The following PCDHB1 variants were observed in gnomAD, a reference collection of about 807,000 sequenced individuals.
The protein encoded by PCDHB1 is protocadherin beta 1.
In PCDHB1, 44 loss-of-function variants were observed where a neutral mutation model predicts 43.5. That is an observed-to-expected ratio of 1.01 (90% CI 0.79 to 1.30). The LOEUF is 1.30. Ranked by LOEUF, PCDHB1 falls within the 50% of genes most tolerant of loss-of-function variation. PCDHB1 has a pLI of 0.00. For synonymous variants in PCDHB1, 392 were observed against 400.8 expected, an observed-to-expected ratio of 0.98 and a Z score of 0.26; for missense variants, 919 against 1,008.9, an observed-to-expected ratio of 0.91 and a Z score of 1.21.
In PCDHB1 at chr5:141,053,915, T is replaced by C; in HGVS notation, c.2445T>C (p.Asp815=). ...TAGAGGGCCATGACCAGGTATCTGATGACTATATGTAGCTCCTATTTACAG... is the reference window on the plus strand; with the variant it reads ...TAGAGGGCCATGACCAGGTATCTGACGACTATATGTAGCTCCTATTTACAG... The part of the protein sequence containing the change: ...QRLEGHDQVS[D]DYM Residue 815 remains aspartate (D), a synonymous_variant, in exon 1 of 1, where the codon GAT becomes GAC. Transcript: ENST00000306549. 6.2e-7 allele frequency: 1 copy of C among 1,612,462 alleles called. No individual in the cohort carries two copies. The highest frequency in any genetic ancestry group is 1.1e-5 in the South Asian group (1 of 91,028).
chr5:141,051,660 G>A lies in PCDHB1; in HGVS notation c.190G>A (p.Ala64Thr). ...LEVGKLAARGARLVSEGNKMH... is the reference protein window; with the variant it reads ...LEVGKLAARGTRLVSEGNKMH... ...GGTAGGGAAGCTGGCTGCGCGCGGG[G>A]CGCGGCTGGTTTCCGAGGGCAACAA... is the stretch of plus-strand genomic sequence containing the variant. The change falls in exon 1 of 1, where the codon GCG becomes ACG. Residue 64 changes from alanine to threonine, a missense_variant. By Grantham distance (58) the Ala-to-Thr change is moderately conservative. Transcript: ENST00000306549. The A allele has an allele frequency of 6.2e-7, 1 of 1,614,240 alleles. No individual in the cohort carries two copies. The highest frequency in any genetic ancestry group is 8.5e-7 in the Non-Finnish European group (1 of 1,180,036).
In PCDHB1 at chr5:141,052,479, G is replaced by A. The variant is rs1554267259; in HGVS notation, c.1009G>A (p.Val337Met). Reference protein sequence around the residue: ...LSAHSKVLVEVVDVNDNPPEV... With the variant: ...LSAHSKVLVEMVDVNDNPPEV... ...TGCCCACAGCAAAGTCCTGGTAGAAGTGGTGGATGTGAATGACAATCCTCC... is the reference window on the plus strand; with the variant it reads ...TGCCCACAGCAAAGTCCTGGTAGAAATGGTGGATGTGAATGACAATCCTCC... Residue 337 changes from valine (V) to methionine (M), a missense_variant, in exon 1 of 1, where the codon GTG becomes ATG. Val to Met is a conservative substitution (Grantham distance 21). Transcript: ENST00000306549. 2 of 1,614,216 alleles carry A rather than the reference G, an allele frequency of 1.2e-6. No individual in the cohort carries two copies. The highest frequency in any genetic ancestry group is 1.3e-5 in the African/African-American group (1 of 75,050).
In PCDHB1 at chr5:141,052,951, C is replaced by A; in HGVS notation, c.1481C>A (p.Pro494Gln). The A allele has an allele frequency of 1.2e-6, 2 of 1,614,016 alleles. No homozygotes were observed. The highest frequency in any genetic ancestry group is 1.7e-6 in the Non-Finnish European group (2 of 1,179,982). The change falls in exon 1 of 1, where the codon CCA (proline) becomes CAA (glutamine). Residue 494 changes from proline (P) to glutamine (Q), a missense_variant. Pro to Gln is a moderately conservative substitution (Grantham distance 76). Transcript: ENST00000306549. ...NAQITYSLLP[P>Q]KNGDLSVFAY... ...CAAATAACATATTCTCTGTTGCCTC[C>A]AAAAAACGGAGATCTTTCAGTCTTT...
chr5:141,054,136 A>G lies in PCDHB1; in HGVS notation c.*209A>G, dbSNP rs1260350960. 6.0e-5 allele frequency: 30 copies of G among 496,160 alleles called. No homozygotes were observed. Among genetic ancestry groups the G allele is most frequent in the African/African-American group, 4.9e-4 (26 of 52,782 alleles). 30.7% of individuals were successfully genotyped at this position (496,160 alleles called of 1,614,324 possible). A position where few individuals can be genotyped will look rare whatever the true frequency, so the allele number is the denominator to read the frequency against. The stretch of plus-strand genomic sequence containing the variant: ...ATCCTGATCCCCAGATCATATATCT[A>G]TAACCCTTTCTCCAGTTGGAATTCT... On this transcript the variant is annotated 3_prime_UTR_variant, in exon 1 of 1. Transcript: ENST00000306549.
At position 141,052,749 on chromosome 5, in the gene PCDHB1, A is replaced by G. The variant is rs372073989; in HGVS notation, c.1279A>G (p.Thr427Ala). Reference sequence around the variant, plus strand: ...TAATATCACCATTGTTGCCATGGATACTGGACCACCTAGCTTGTCTGCCGA... The same window carrying G: ...TAATATCACCATTGTTGCCATGGATGCTGGACCACCTAGCTTGTCTGCCGA... ...GYNITIVAMDTGPPSLSAETM... is the reference protein window; with the variant it reads ...GYNITIVAMDAGPPSLSAETM... The change falls in exon 1 of 1, where the codon ACT becomes GCT. Residue 427 changes from threonine (T) to alanine (A), a missense_variant. Physicochemically the swap from Thr to Ala is moderately conservative, Grantham distance 58 (BLOSUM62 0). Transcript: ENST00000306549. 5.6e-6 allele frequency: 9 copies of G among 1,614,052 alleles called. No homozygotes were observed. In the African/African-American group the frequency reaches 1.2e-4, roughly 22 times the overall value.
chr5:141,051,644 G>A lies in PCDHB1; in HGVS notation c.174G>A (p.Lys58=). The A allele has an allele frequency of 6.2e-7, 1 of 1,614,244 alleles. No homozygotes were observed. The highest frequency in any genetic ancestry group is 8.5e-7 in the Non-Finnish European group (1 of 1,180,040). ...VAKDLGLEVG[K]LAARGARLVS... Reference sequence around the variant, plus strand: ...AGGACCTAGGACTGGAGGTAGGGAAGCTGGCTGCGCGCGGGGCGCGGCTGG... The same window carrying A: ...AGGACCTAGGACTGGAGGTAGGGAAACTGGCTGCGCGCGGGGCGCGGCTGG... Residue 58 remains lysine (K), a synonymous_variant, in exon 1 of 1, where the codon AAG becomes AAA. Transcript: ENST00000306549.
rs781869788 is a variant in PCDHB1, at chr5:141,055,178, C to G, written c.*1251C>G. ...GTGGCTCATGGCTGTAATCTCAGCA[C>G]TCTGGGAGACGGAGGGAGGCAGATC... On this transcript the variant is annotated 3_prime_UTR_variant, in exon 1 of 1. Coordinates refer to ENST00000306549, the MANE Select transcript of PCDHB1 (RefSeq NM_013340.4). 6 of 152,158 alleles carry G rather than the reference C, an allele frequency of 3.9e-5. No individual in the cohort carries two copies. The highest frequency in any genetic ancestry group is 8.8e-5 in the Non-Finnish European group (6 of 68,074). The allele number at this position is 152,158 out of a possible 1,614,324, so 9.4% of individuals were successfully genotyped here. A position where few individuals can be genotyped will look rare whatever the true frequency, so the allele number is the denominator to read the frequency against.
At position 141,052,272 on chromosome 5, in the gene PCDHB1, G is replaced by GACCT. The variant is rs782229077; in HGVS notation, c.804_807dup (p.Asp270ProfsTer27). On this transcript the variant is annotated frameshift_variant, in exon 1 of 1. Coordinates refer to ENST00000306549, the MANE Select transcript of PCDHB1 (RefSeq NM_013340.4). LOFTEE classifies it high-confidence loss of function. Reference sequence around the variant, plus strand: ...TTTGGTGGCCACGGTGACTGCCGTGGACCTAGACGAGGGCACCAACAAAGC... The same window carrying GACCT: ...TTTGGTGGCCACGGTGACTGCCGTGGACCTACCTAGACGAGGGCACCAACAAAGC... 4 of 1,614,164 alleles carry GACCT rather than the reference G, an allele frequency of 2.5e-6. No homozygotes were observed. The East Asian group carries it at 8.9e-5, about 36-fold the overall frequency.
At position 141,051,682 on chromosome 5, in the gene PCDHB1, A is replaced by G; in HGVS notation, c.212A>G (p.Asn71Ser). The G allele has an allele frequency of 3.7e-6, 6 of 1,614,192 alleles. No individual in the cohort carries two copies. Among genetic ancestry groups the G allele is most frequent in the Non-Finnish European group, 5.1e-6 (6 of 1,180,024 alleles). Reference sequence around the variant, plus strand: ...GGGGCGCGGCTGGTTTCCGAGGGCAACAAAATGCATTTCCGGCTCCACCGC... The same window carrying G: ...GGGGCGCGGCTGGTTTCCGAGGGCAGCAAAATGCATTTCCGGCTCCACCGC... Reference protein sequence around the residue: ...ARGARLVSEGNKMHFRLHRKT... With the variant: ...ARGARLVSEGSKMHFRLHRKT... The change falls in exon 1 of 1, where the codon AAC becomes AGC. Residue 71 changes from asparagine to serine, a missense_variant. Transcript: ENST00000306549.
chr5:141,052,763 C>T lies in PCDHB1; in HGVS notation c.1293C>T (p.Ser431=), dbSNP rs782803890. The part of the protein sequence containing the change: ...TIVAMDTGPP[S]LSAETMIEVL... ...TTGCCATGGATACTGGACCACCTAG[C>T]TTGTCTGCCGAGACTATGATAGAGG... The change falls in exon 1 of 1, where the codon AGC becomes AGT. Residue 431 remains serine, a synonymous_variant. Transcript: ENST00000306549. 2.4e-5 allele frequency: 39 copies of T among 1,614,078 alleles called. No individual in the cohort carries two copies. The highest frequency in any genetic ancestry group is 6.7e-5 in the Admixed American group (4 of 60,008).
In PCDHB1 at chr5:141,051,899, G is replaced by A. The variant is rs782636936; in HGVS notation, c.429G>A (p.Pro143=). The part of the protein sequence containing the change: ...FLNKEPLLKI[P]ESTPLGSRFP... ...ACAAGGAGCCGCTTTTAAAGATTCC[G>A]GAGAGCACCCCTTTGGGTTCACGTT... The change falls in exon 1 of 1, where the codon CCG becomes CCA. Residue 143 remains proline, a synonymous_variant. Coordinates refer to ENST00000306549, the MANE Select transcript of PCDHB1 (RefSeq NM_013340.4). 5.6e-6 allele frequency: 9 copies of A among 1,614,160 alleles called. No homozygotes were observed. The highest frequency in any genetic ancestry group is 7.6e-6 in the Non-Finnish European group (9 of 1,180,032).
rs1751071522 is a variant in PCDHB1, at chr5:141,054,120, C to T, written c.*193C>T. 1.8e-6 allele frequency: 1 copy of T among 553,208 alleles called. No individual in the cohort carries two copies. Among genetic ancestry groups the T allele is most frequent in the Admixed American group, 3.1e-5 (1 of 32,614 alleles). The allele number at this position is 553,208 out of a possible 1,614,324, so 34.3% of individuals were successfully genotyped here. ...TCAATACAAAGCAGTTATCCTGATC[C>T]CCAGATCATATATCTATAACCCTTT... On this transcript the variant is annotated 3_prime_UTR_variant, in exon 1 of 1. Transcript: ENST00000306549.
At position 141,053,652 on chromosome 5, in the gene PCDHB1, G is replaced by C; in HGVS notation, c.2182G>C (p.Glu728Gln). 6.2e-7 allele frequency: 1 copy of C among 1,614,130 alleles called. No homozygotes were observed. The highest frequency in any genetic ancestry group is 8.5e-7 in the Non-Finnish European group (1 of 1,180,006). The change falls in exon 1 of 1, where the codon GAG becomes CAG. Residue 728 changes from glutamate (E) to glutamine (Q), a missense_variant. Physicochemically the swap from Glu to Gln is conservative, Grantham distance 29. Transcript: ENST00000306549. ...IKYREKFTIQ[E>Q]HFYDDCNFSN... Reference sequence around the variant, plus strand: ...ATATAGAGAAAAGTTCACAATTCAAGAGCATTTCTATGATGACTGTAATTT... The same window carrying C: ...ATATAGAGAAAAGTTCACAATTCAACAGCATTTCTATGATGACTGTAATTT...
chr5:141,052,710 G>A lies in PCDHB1; in HGVS notation c.1240G>A (p.Glu414Lys), dbSNP rs781957320. ...LVTDRSLDREEVSGYNITIVA... is the reference protein window; with the variant it reads ...LVTDRSLDREKVSGYNITIVA... The stretch of plus-strand genomic sequence containing the variant: ...CACTGACAGAAGCTTGGATCGGGAG[G>A]AGGTCTCAGGCTATAATATCACCAT... The change falls in exon 1 of 1, where the codon GAG becomes AAG. Residue 414 changes from glutamate to lysine, a missense_variant. Transcript: ENST00000306549. The A allele has an allele frequency of 3.1e-6, 5 of 1,614,180 alleles. No individual in the cohort carries two copies. The South Asian group carries it at 5.5e-5, about 18-fold the overall frequency.
chr5:141,052,293 A>C lies in PCDHB1; in HGVS notation c.823A>C (p.Lys275Gln), dbSNP rs149445112. 4.1e-4 allele frequency: 667 copies of C among 1,614,244 alleles called. 4 individuals carry two copies. Among genetic ancestry groups the C allele is most frequent in the South Asian group, 2.8e-3 (257 of 91,088 alleles). ...CGTGGACCTAGACGAGGGCACCAACAAAGCGATAACTTACTCTTTAGCTCA... is the reference window on the plus strand; with the variant it reads ...CGTGGACCTAGACGAGGGCACCAACCAAGCGATAACTTACTCTTTAGCTCA... ...TAVDLDEGTN[K>Q]AITYSLAQNP... The change falls in exon 1 of 1, where the codon AAA becomes CAA. Residue 275 changes from lysine to glutamine, a missense_variant. Lys to Gln is a moderately conservative substitution (Grantham distance 53, BLOSUM62 1). Coordinates refer to ENST00000306549, the MANE Select transcript of PCDHB1 (RefSeq NM_013340.4).
Position 141,057,767 on chromosome 5 carries a change from G to A in PCDHB1, c.*3840G>A, listed in dbSNP as rs1328726442. ...AATCCTACCTGATAACTTAAAATAA[G>A]AATATATCAATTCACTGAATGTGAA... On this transcript the variant is annotated 3_prime_UTR_variant, in exon 1 of 1. Coordinates refer to ENST00000306549, the MANE Select transcript of PCDHB1 (RefSeq NM_013340.4). 4.6e-5 allele frequency: 7 copies of A among 151,990 alleles called. No homozygotes were observed. The highest frequency in any genetic ancestry group is 1.4e-4 in the African/African-American group (6 of 41,382). 9.4% of individuals were successfully genotyped at this position (151,990 alleles called of 1,614,324 possible).
At position 141,053,664 on chromosome 5, in the gene PCDHB1, G is replaced by A. The variant is rs1554267496; in HGVS notation, c.2194G>A (p.Asp732Asn). 1.2e-6 allele frequency: 2 copies of A among 1,614,022 alleles called. No homozygotes were observed. The highest frequency in any genetic ancestry group is 1.7e-6 in the Non-Finnish European group (2 of 1,180,006). The change falls in exon 1 of 1, where the codon GAT (aspartate) becomes AAT (asparagine). Residue 732 changes from aspartate (D) to asparagine (N), a missense_variant. Asp to Asn is a conservative substitution (Grantham distance 23). Transcript: ENST00000306549. Reference sequence around the variant, plus strand: ...GTTCACAATTCAAGAGCATTTCTATGATGACTGTAATTTCTCTAACAACCT... The same window carrying A: ...GTTCACAATTCAAGAGCATTTCTATAATGACTGTAATTTCTCTAACAACCT... ...EKFTIQEHFY[D>N]DCNFSNNLVQ...
chr5:141,055,297 A>G lies in PCDHB1; in HGVS notation c.*1370A>G, dbSNP rs1751110071. ...AAATTAGTCAGTCGTGGTGGCACGC[A>G]CCTGTAATCCCAGGTACTCAAGAGG... On this transcript the variant is annotated 3_prime_UTR_variant, in exon 1 of 1. Transcript: ENST00000306549. 6.6e-6 allele frequency: 1 copy of G among 152,342 alleles called. No homozygotes were observed. Among genetic ancestry groups the G allele is most frequent in the African/African-American group, 2.4e-5 (1 of 41,424 alleles). The allele number at this position is 152,342 out of a possible 1,614,324, so 9.4% of individuals were successfully genotyped here. A position where few individuals can be genotyped will look rare whatever the true frequency, so the allele number is the denominator to read the frequency against.
chr5:141,056,076 A>G lies in PCDHB1; in HGVS notation c.*2149A>G, dbSNP rs1261438920. The G allele has an allele frequency of 6.6e-6, 1 of 152,120 alleles. No individual in the cohort carries two copies. Among genetic ancestry groups the G allele is most frequent in the Non-Finnish European group, 1.5e-5 (1 of 68,042 alleles). The allele number at this position is 152,120 out of a possible 1,614,324, so 9.4% of individuals were successfully genotyped here. A position where few individuals can be genotyped will look rare whatever the true frequency, so the allele number is the denominator to read the frequency against. On this transcript the variant is annotated 3_prime_UTR_variant, in exon 1 of 1. Transcript: ENST00000306549. ...TGAAACCTCATCTCAAAAAAAAAAAAAGTGTGCTTTAATGAGGCTTTAATT... is the reference window on the plus strand; with the variant it reads ...TGAAACCTCATCTCAAAAAAAAAAAGAGTGTGCTTTAATGAGGCTTTAATT...
Sources: gnomAD v4.1 joint callset for allele counts on GRCh38, gnomAD v4.1.1 for gene constraint, MANE v1.5 for transcripts, NCBI Gene and HGNC (gene_info 2026-07-23, HGNC 2026-07-21) for gene names.